Variants in BMPR1B observed in about 807,000 individuals in gnomAD.
The protein encoded by BMPR1B is bone morphogenetic protein receptor type-1B.
BMPR1B carries 12 observed loss-of-function variants against 59.1 expected under a neutral mutation model. The observed-to-expected ratio is 0.20, with a 90% CI of 0.13 to 0.33. The LOEUF is 0.33. Ranked by LOEUF, BMPR1B falls within the 10% of genes least tolerant of loss-of-function variation. The pLI, the probability that BMPR1B is intolerant of heterozygous loss-of-function variation, is 1.00. For synonymous variants in BMPR1B, 237 were observed against 207.3 expected, an observed-to-expected ratio of 1.14 and a Z score of -1.23; for missense variants, 550 against 610.9, an observed-to-expected ratio of 0.90 and a Z score of 1.05.
rs1178759962 is a variant in BMPR1B, at chr4:95,051,795, C to T, written c.-17-52613C>T. ...GGGGTAAGAAGATCAGTGCCCTCCA[C>T]TACAGTGCTGATGGGGCTGAGTTAG... On this transcript the variant is annotated intron_variant, in intron 3 of 12. Coordinates refer to ENST00000515059, the MANE Select transcript of BMPR1B (RefSeq NM_001203.3). 2.6e-6 allele frequency: 4 copies of T among 1,533,158 alleles called. No homozygotes were observed. The East Asian group carries it at 9.8e-5, about 38-fold the overall frequency. The allele number at this position is 1,533,158 out of a possible 1,614,324, so 95.0% of individuals were successfully genotyped here.
At chr4:95,095,692 C>G (rs1560649082) in intron 3 of BMPR1B, among the ~76,000 whole-genome samples, 1 of 151,952 alleles carries the variant, frequency 6.6e-6, no homozygotes, top group Non-Finnish European at 1.5e-5. Context: ...TTATATGTCA[C>G]TTTTTAATGA....
intron 2 of BMPR1B, among the ~76,000 whole-genome samples, chr4:94,944,244 A>G (rs1456127196): frequency 2.0e-5 from 3 of 152,270 alleles, no homozygotes; most frequent in African/African-American, 4.8e-5. Flanking sequence ...GGGATATTCA[A>G]CCTATAGTAG....
intron 4 of BMPR1B, among the ~76,000 whole-genome samples, chr4:95,108,956 A>G (rs1731406601): frequency 6.6e-6 from 1 of 152,038 alleles, no homozygotes; most frequent in Non-Finnish European, 1.5e-5. Flanking sequence ...TCAACATGCC[A>G]GTGTTCTGTT....
intron 3 of BMPR1B, among the ~76,000 whole-genome samples, chr4:95,035,152 G>A (rs899961072): frequency 7.2e-5 from 11 of 151,824 alleles, no homozygotes; most frequent in African/African-American, 2.7e-4. Context: ...TTGCTGGTTC[G>A]AGTTTCATGT....
intron 3 of BMPR1B, among the ~76,000 whole-genome samples, chr4:95,021,662 A>G (rs1215648412): frequency 1.3e-5 from 2 of 152,190 alleles, no homozygotes; most frequent in Non-Finnish European, 2.9e-5. Flanking sequence ...ATGCTATGCA[A>G]AATGTTAAGT....
intron 4 of BMPR1B, among the ~76,000 whole-genome samples, chr4:95,110,795 T>G (rs567940962): frequency 6.6e-6 from 1 of 152,308 alleles, no homozygotes; most frequent in Non-Finnish European, 1.5e-5. Flanking sequence ...AGCACCCAGC[T>G]CTGCTGGAGT....
chr4:94,805,791 T>C (rs1024093253), intron 1 of BMPR1B, among the ~76,000 whole-genome samples: 1 of 152,276 alleles, frequency 6.6e-6, no homozygotes, highest in East Asian at 1.9e-4. Context: ...GGAATGAAGT[T>C]ATATTTTGTC....
chr4:94,974,664 CT>C (rs559146186), intron 2 of BMPR1B, among the ~76,000 whole-genome samples: 6 of 151,920 alleles, frequency 3.9e-5, no homozygotes, highest in South Asian at 2.1e-4. Flanking sequence ...TTTTATAATT[CT>C]TTTTTTTCGC....
chr4:94,880,439 A>G (rs1726911876), intron 2 of BMPR1B, among the ~76,000 whole-genome samples: 1 of 151,986 alleles, frequency 6.6e-6, no homozygotes, highest in African/African-American at 2.4e-5. Flanking sequence ...CTCCCACCTC[A>G]GCCTCCTGAG....
At chr4:95,127,911 G>T (rs1267099254) in intron 8 of BMPR1B, among the ~76,000 whole-genome samples, 1 of 150,360 alleles carries the variant, frequency 6.7e-6, no homozygotes, top group Non-Finnish European at 1.5e-5. Context: ...TTAAGACAAG[G>T]TCTTACTCTG....
intron 1 of BMPR1B, among the ~76,000 whole-genome samples, chr4:94,817,249 A>AT (rs1162096351): frequency 1.3e-5 from 2 of 152,236 alleles, no homozygotes; most frequent in East Asian, 3.8e-4. Context: ...TTATAGCAGC[A>AT]TAAATGGACT....
At chr4:94,975,438 A>ACTGCAGC (rs1199697287) in intron 2 of BMPR1B, among the ~76,000 whole-genome samples, 1 of 136,528 alleles carries the variant, frequency 7.3e-6, no homozygotes, top group East Asian at 2.2e-4. Flanking sequence ...GTCACGACTC[A>ACTGCAGC]CTGCAGCCTC....
chr4:95,056,322 C>G (rs1007984223), intron 3 of BMPR1B, among the ~76,000 whole-genome samples: 2 of 152,102 alleles, frequency 1.3e-5, no homozygotes. Context: ...TAGACCTCTC[C>G]ATGTTTCTTT....
chr4:94,935,935 A>AT (rs974644650), intron 2 of BMPR1B, among the ~76,000 whole-genome samples: 24 of 152,056 alleles, frequency 1.6e-4, no homozygotes, highest in African/African-American at 4.8e-4. Flanking sequence ...TTTTGTGTGC[A>AT]TTTTTTTGTT....
chr4:95,102,920 C>T (rs569662266), intron 3 of BMPR1B, among the ~76,000 whole-genome samples: 5 of 151,878 alleles, frequency 3.3e-5, no homozygotes, highest in African/African-American at 9.6e-5. Context: ...TTTCCTGGCT[C>T]GCCTCTGACC....
intron 2 of BMPR1B, among the ~76,000 whole-genome samples, chr4:94,995,279 T>C (rs1721989369): frequency 6.6e-6 from 1 of 152,180 alleles, no homozygotes; most frequent in Non-Finnish European, 1.5e-5. Flanking sequence ...TGTTGAGTTA[T>C]AATTTTAGGT....
intron 1 of BMPR1B, among the ~76,000 whole-genome samples, chr4:94,786,736 G>A (rs1722778403): frequency 6.6e-6 from 1 of 151,834 alleles, no homozygotes; most frequent in Non-Finnish European, 1.5e-5. Context: ...AGTAGAGATG[G>A]GGCTTCACCG....
At chr4:95,138,277 C>G (rs537575054) in intron 10 of BMPR1B, among the ~76,000 whole-genome samples, 15 of 152,324 alleles carry the variant, frequency 9.8e-5, no homozygotes, top group East Asian at 3.9e-4. Context: ...GAGAGATCAG[C>G]TGTTAGTCTG....
intron 3 of BMPR1B, among the ~76,000 whole-genome samples, chr4:95,071,654 A>G (rs77907973): frequency 1.0e-3 from 85 of 81,568 alleles, no homozygotes; most frequent in South Asian, 3.7e-3. Context: ...GTGTGTGTGT[A>G]TATATATATA....
Sources: gnomAD v4.1 joint callset for allele counts (sites outside exome capture counted in the v4.1 genomes callset) on GRCh38, gnomAD v4.1.1 for gene constraint, MANE v1.5 for transcripts, NCBI Gene and HGNC (gene_info 2026-07-23, HGNC 2026-07-21) for gene names.